The following KCTD1 variants were observed in gnomAD, a reference collection of about 807,000 sequenced individuals.
KCTD1 encodes BTB/POZ domain-containing protein KCTD1.
Under a neutral mutation model 66.0 loss-of-function variants are expected in KCTD1, and 24 were observed. That is an observed-to-expected ratio of 0.36 (90% CI 0.26 to 0.51). The LOEUF is 0.51. KCTD1 is among the 20% of genes least tolerant of loss of function. KCTD1 has a pLI of 0.95. For synonymous variants in KCTD1, 511 were observed against 517.2 expected, an observed-to-expected ratio of 0.99 and a Z score of 0.16; for missense variants, 943 against 1,205.2, an observed-to-expected ratio of 0.78 and a Z score of 3.22.
chr18:26,492,223 T>C (rs1433817023), intron 2 of KCTD1, among the ~76,000 whole-genome samples: 6 of 151,788 alleles, frequency 4.0e-5, no homozygotes, highest in Admixed American at 2.0e-4. Flanking sequence ...GCCGGGGCAA[T>C]AGAGTGAGAC....
At chr18:26,481,087 C>A (rs1981624560) in intron 2 of KCTD1, among the ~76,000 whole-genome samples, 1 of 152,158 alleles carries the variant, frequency 6.6e-6, no homozygotes. Flanking sequence ...CTTGTGTAAT[C>A]ATTCAGTTAC....
intron 1 of KCTD1, among the ~76,000 whole-genome samples, chr18:26,522,611 C>CT (rs1223833860): frequency 1.3e-5 from 2 of 152,164 alleles, no homozygotes; most frequent in Non-Finnish European, 2.9e-5. Context: ...CTTCAACCAA[C>CT]TGTAACTTTC....
chr18:26,603,751 A>AAATAAATAAATAAAT (rs1568006899), intron 1 of KCTD1, among the ~76,000 whole-genome samples: 4 of 146,766 alleles, frequency 2.7e-5, no homozygotes, highest in Non-Finnish European at 4.5e-5. Flanking sequence ...TCAAAAAAAT[A>AAATAAATAAATAAAT]AAATAAATAA....
At chr18:26,480,994 A>T (rs781666562) in intron 2 of KCTD1, among the ~76,000 whole-genome samples, 23 of 152,196 alleles carry the variant, frequency 1.5e-4, no homozygotes, top group African/African-American at 5.5e-4. Flanking sequence ...TTCATTAAGA[A>T]TTTTTTCTTG....
chr18:26,534,761 A>G (rs1373312180), intron 1 of KCTD1, among the ~76,000 whole-genome samples: 2 of 152,170 alleles, frequency 1.3e-5, no homozygotes, highest in Non-Finnish European at 2.9e-5. Context: ...AACTTGGTCT[A>G]TCCCTTGGTA....
At chr18:26,503,351 G>T (rs1982864975) in intron 1 of KCTD1, among the ~76,000 whole-genome samples, 1 of 152,086 alleles carries the variant, frequency 6.6e-6, no homozygotes, top group South Asian at 2.1e-4. Flanking sequence ...TATGAAACAG[G>T]TAAGGTTCAG....
chr18:26,652,351 G>A (rs961640293), intron 1 of KCTD1, among the ~76,000 whole-genome samples: 3 of 152,142 alleles, frequency 2.0e-5, no homozygotes, highest in African/African-American at 7.2e-5. Flanking sequence ...AAGAAAAGTA[G>A]CTTATGGAAT....
intron 2 of KCTD1, among the ~76,000 whole-genome samples, chr18:26,492,233 C>T (rs947319993): frequency 6.6e-6 from 1 of 151,764 alleles, no homozygotes; most frequent in African/African-American, 2.4e-5. Flanking sequence ...TAGAGTGAGA[C>T]CCTATCTGGA....
chr18:26,495,472 C>T (rs1267224697), intron 2 of KCTD1, among the ~76,000 whole-genome samples: 5 of 152,108 alleles, frequency 3.3e-5, no homozygotes, highest in African/African-American at 1.2e-4. Flanking sequence ...ACATGTTTGG[C>T]ATCTCCATCC....
intron 3 of KCTD1, among the ~76,000 whole-genome samples, chr18:26,463,435 A>G (rs543357193): frequency 6.6e-6 from 1 of 152,306 alleles, no homozygotes; most frequent in East Asian, 1.9e-4. Context: ...GAGAAAAAAA[A>G]AGGCACCATC....
chr18:26,548,294 T>G lies in KCTD1; in HGVS notation c.243A>C (p.Gly81=). 1 of 1,493,434 alleles carries G rather than the reference T, an allele frequency of 6.7e-7. No homozygotes were observed. The highest frequency in any genetic ancestry group is 8.9e-7 in the Non-Finnish European group (1 of 1,123,104). 92.5% of individuals were successfully genotyped at this position (1,493,434 alleles called of 1,614,324 possible). A position where few individuals can be genotyped will look rare whatever the true frequency, so the allele number is the denominator to read the frequency against. Residue 81 remains glycine (G), a synonymous_variant, in exon 1 of 5, where the codon GGA becomes GGC. Transcript: ENST00000580059. ...CCTCGTCCTCCTCCAGCCCCCCACC[T>G]CCGTCCTCCTCCTCCTCCTCGTCCC... ...ITGDEEEEED[G]GGGLEEDEEE... is the part of the protein sequence containing the mutation.
In KCTD1 at chr18:26,546,863, G is replaced by A; in HGVS notation, c.1674C>T (p.Arg558=). ...CCACCGCATCCACAGGCTCCGAGGG[G>A]CGGATACAAAGTCTTTTGGGGGAAG... The part of the protein sequence containing the change: ...GPTSPKRLCI[R]PSEPVDAVVV... The change falls in exon 1 of 5, where the codon CGC becomes CGT. Residue 558 remains arginine (R), a synonymous_variant. Coordinates refer to ENST00000580059, the MANE Select transcript of KCTD1 (RefSeq NM_001142730.3). 2 of 1,505,998 alleles carry A rather than the reference G, an allele frequency of 1.3e-6. No homozygotes were observed. Among genetic ancestry groups the A allele is most frequent in the Non-Finnish European group, 8.9e-7 (1 of 1,127,802 alleles). The allele number at this position is 1,505,998 out of a possible 1,614,324, so 93.3% of individuals were successfully genotyped here. A position where few individuals can be genotyped will look rare whatever the true frequency, so the allele number is the denominator to read the frequency against.
rs1293786596 is a variant in KCTD1 at position 26,624,094 on chromosome 18, T to A, written c.-16+5053A>T. 5.3e-5 allele frequency among the ~76,000 whole-genome samples: 8 copies of A among 152,274 alleles called. No individual in the cohort carries two copies. The East Asian group carries it at 1.5e-3, about 29-fold the overall frequency. ...CCTAGAGATTTGTTGAACTTTGAAC[T>A]TAAGAGAGATGATTTAGGGTATCTG... On this transcript the variant is annotated intron_variant, in intron 1 of 4. Transcript: ENST00000317932.
At position 26,537,512 on chromosome 18, in the gene KCTD1, TACCA is replaced by T. The variant is rs542851708; in HGVS notation, c.1809+9212_1809+9215del. Among the ~76,000 whole-genome samples the T allele has an allele frequency of 1.5e-3, 228 of 152,336 alleles. 2 individuals are homozygous for T. Among genetic ancestry groups the T allele is most frequent in the African/African-American group, 5.2e-3 (217 of 41,584 alleles). On this transcript the variant is annotated intron_variant, in intron 1 of 4. Transcript: ENST00000580059. Reference sequence around the variant, plus strand: ...ACTGGTCAGCGATAATGTATCAAAATACCAACCAATTATCTTAATTCTGTAGTCT... The same window carrying T: ...ACTGGTCAGCGATAATGTATCAAAATACCAATTATCTTAATTCTGTAGTCT...
intron 1 of KCTD1, among the ~76,000 whole-genome samples, chr18:26,560,136 C>G (rs12454484): frequency 8.5e-6 from 1 of 117,838 alleles, no homozygotes; most frequent in Non-Finnish European, 1.9e-5. Context: ...ACCTTCCCCC[C>G]ACCAGAAAAA....
intron 1 of KCTD1, among the ~76,000 whole-genome samples, chr18:26,569,636 G>A (rs946024046): frequency 6.6e-6 from 1 of 152,090 alleles, no homozygotes; most frequent in Non-Finnish European, 1.5e-5. Flanking sequence ...CAACTAAACT[G>A]TTACATTAAT....
intron 3 of KCTD1, among the ~76,000 whole-genome samples, chr18:26,469,799 T>A (rs1183573590): frequency 1.3e-5 from 2 of 152,140 alleles, no homozygotes; most frequent in Non-Finnish European, 2.9e-5. Flanking sequence ...ATACTAAGCA[T>A]TGATTATGTG....
chr18:26,479,433 G>C (rs923692274), intron 2 of KCTD1, among the ~76,000 whole-genome samples: 3 of 152,252 alleles, frequency 2.0e-5, no homozygotes, highest in Admixed American at 2.0e-4. Context: ...CCAGGCCGTG[G>C]GAACGCTGGC....
At chr18:26,567,850 T>C (rs1986019364) in intron 1 of KCTD1, among the ~76,000 whole-genome samples, 1 of 152,132 alleles carries the variant, frequency 6.6e-6, no homozygotes, top group Admixed American at 6.5e-5. Flanking sequence ...GAGATTTCTT[T>C]TAATCTATAT....
Sources: gnomAD v4.1 joint callset for allele counts (sites outside exome capture counted in the v4.1 genomes callset) on GRCh38, gnomAD v4.1.1 for gene constraint, MANE v1.5 for transcripts, NCBI Gene and HGNC (gene_info 2026-07-23, HGNC 2026-07-21) for gene names.